Variants in UGGT2 observed in about 807,000 individuals in gnomAD.
The protein encoded by UGGT2 is UDP-glucose glycoprotein glucosyltransferase 2.
Under a neutral mutation model 192.1 loss-of-function variants are expected in UGGT2, and 180 were observed. That is an observed-to-expected ratio of 0.94 (90% CI 0.83 to 1.06). The LOEUF is 1.06. Ranked by LOEUF, UGGT2 falls within the 50% of genes least tolerant of loss-of-function variation. UGGT2 has a pLI of 0.00. For missense variants in UGGT2, 1,849 were observed against 1,795.7 expected, an observed-to-expected ratio of 1.03 and a Z score of -0.54; for synonymous variants, 580 against 591.0, an observed-to-expected ratio of 0.98 and a Z score of 0.27.
intron 8 of UGGT2, among the ~76,000 whole-genome samples, chr13:95,988,262 T>C (rs1297232074): frequency 2.0e-5 from 3 of 152,184 alleles, no homozygotes; most frequent in Admixed American, 6.6e-5. Context: ...AACATTTTCC[T>C]GTGGGGACTA....
chr13:95,954,707 T>C (rs1032826639), intron 12 of UGGT2, among the ~76,000 whole-genome samples: 9 of 152,192 alleles, frequency 5.9e-5, no homozygotes, highest in African/African-American at 1.7e-4. Context: ...CAAACCAATG[T>C]ACATCTTACA....
At chr13:95,962,128 A>G (rs1019588947) in intron 12 of UGGT2, among the ~76,000 whole-genome samples, 1 of 152,216 alleles carries the variant, frequency 6.6e-6, no homozygotes, top group Non-Finnish European at 1.5e-5. Flanking sequence ...CTTATATCAA[A>G]AAGGAGAAAG....
intron 2 of UGGT2, among the ~76,000 whole-genome samples, chr13:96,027,293 TC>T (rs761180893): frequency 1.3e-5 from 2 of 152,188 alleles, no homozygotes; most frequent in African/African-American, 2.4e-5. Flanking sequence ...AAGGTCACCA[TC>T]AAGGTTGTCC....
chr13:95,815,246 T>C (rs1416758164), intron 38 of UGGT2, among the ~76,000 whole-genome samples: 1 of 152,132 alleles, frequency 6.6e-6, no homozygotes, highest in Non-Finnish European at 1.5e-5. Flanking sequence ...CACATTACTA[T>C]GAAGACTGGA....
At chr13:95,989,879 TA>T in intron 8 of UGGT2, 93 bp downstream of exon 8, 1 of 779,198 alleles carries the variant, frequency 1.3e-6, no homozygotes, top group Non-Finnish European at 2.0e-6. Context: ...ATACTGTCCA[TA>T]AAATAATCTA....
At chr13:96,049,566 A>G (rs1210959631) in intron 1 of UGGT2, among the ~76,000 whole-genome samples, 1 of 152,210 alleles carries the variant, frequency 6.6e-6, no homozygotes, top group Non-Finnish European at 1.5e-5. Flanking sequence ...ATATGATTGT[A>G]TATTTAGAAA....
At chr13:95,812,834 C>T (rs1236381384) in intron 38 of UGGT2, among the ~76,000 whole-genome samples, 1 of 152,168 alleles carries the variant, frequency 6.6e-6, no homozygotes, top group Non-Finnish European at 1.5e-5. Context: ...CCAGTAAAAG[C>T]TCCCTGAGGC....
chr13:95,814,474 G>A (rs1884723102), intron 38 of UGGT2, among the ~76,000 whole-genome samples: 1 of 152,122 alleles, frequency 6.6e-6, no homozygotes, highest in African/African-American at 2.4e-5. Context: ...CTTTCTTTTG[G>A]CCAATTTTTT....
At position 95,880,271 on chromosome 13, in the gene UGGT2, G is replaced by C. The variant is rs565455734; in HGVS notation, c.3229-2415C>G. Among the ~76,000 whole-genome samples the C allele has an allele frequency of 9.9e-5, 15 of 152,250 alleles. No individual in the cohort carries two copies. In the East Asian group the frequency reaches 2.9e-3, roughly 29 times the overall value. On this transcript the variant is annotated intron_variant, in intron 27 of 38. Transcript: ENST00000376747. ...TAGTATTTTTGTTGCTATTGAATGT[G>C]ATTTTGTGTAACTGCAGACACATTT...
At chr13:95,982,524 T>C (rs2051158793) in intron 10 of UGGT2, among the ~76,000 whole-genome samples, 1 of 152,124 alleles carries the variant, frequency 6.6e-6, no homozygotes, top group Non-Finnish European at 1.5e-5. Context: ...TAAAACATCA[T>C]ACCTGCTCCA....
chr13:95,895,342 A>G, intron 22 of UGGT2, 38 bp from the exon 23 acceptor site: 2 of 1,219,194 alleles, frequency 1.6e-6, no homozygotes, highest in Non-Finnish European at 2.2e-6. Flanking sequence ...TATATCTTCT[A>G]GAAGATATCA....
chr13:95,887,831 G>C lies in UGGT2; in HGVS notation c.3038+61C>G, dbSNP rs1038795109. On this transcript the variant is annotated intron_variant, in intron 26 of 38. Transcript: ENST00000376747. ...AAAACCAGGTCCAGTAACAATGATT[G>C]TTTTTTTCTTCTCAGCATTTACAAA... 5 of 1,052,432 alleles carry C rather than the reference G, an allele frequency of 4.8e-6. No homozygotes were observed. The African/African-American group carries it at 4.8e-5, about 10-fold the overall frequency. The allele number at this position is 1,052,432 out of a possible 1,614,324, so 65.2% of individuals were successfully genotyped here.
rs556659027 is a variant in UGGT2 at position 95,945,389 on chromosome 13, T to C, written c.1677+1648A>G. 2.0e-5 allele frequency among the ~76,000 whole-genome samples: 3 copies of C among 152,208 alleles called. No homozygotes were observed. The South Asian group carries it at 6.2e-4, about 32-fold the overall frequency. On this transcript the variant is annotated intron_variant, in intron 15 of 38. Coordinates refer to ENST00000376747, the MANE Select transcript of UGGT2 (RefSeq NM_020121.4). ...CTCCTTCTCCCTCTCCTTCTAATTG[T>C]TTAGCACAACTTGCAGGCTGTGCCA... is the stretch of plus-strand genomic sequence containing the variant.
intron 19 of UGGT2, among the ~76,000 whole-genome samples, chr13:95,926,776 G>T (rs1168179088): frequency 6.6e-6 from 1 of 152,036 alleles, no homozygotes; most frequent in Non-Finnish European, 1.5e-5. Context: ...GTACTGAAAA[G>T]ATTTTATTCT....
intron 1 of UGGT2, among the ~76,000 whole-genome samples, chr13:96,041,652 G>A (rs539403188): frequency 4.6e-5 from 7 of 152,226 alleles, no homozygotes; most frequent in Admixed American, 2.0e-4. Flanking sequence ...CTCGCCCACC[G>A]CCTGGAAACA....
At chr13:95,853,908 T>C (rs548988278) in intron 35 of UGGT2, among the ~76,000 whole-genome samples, 1 of 152,312 alleles carries the variant, frequency 6.6e-6, no homozygotes, top group South Asian at 2.1e-4. Flanking sequence ...ATGAAACTCA[T>C]GGCCTTACAA....
intron 1 of UGGT2, among the ~76,000 whole-genome samples, chr13:96,044,170 T>C (rs1004814857): frequency 3.3e-5 from 5 of 152,104 alleles, no homozygotes; most frequent in African/African-American, 1.2e-4. Context: ...AAACACTCTC[T>C]CAGACCACAG....
chr13:95,882,121 G>A (rs922826913), intron 27 of UGGT2, among the ~76,000 whole-genome samples: 2 of 151,946 alleles, frequency 1.3e-5, no homozygotes, highest in Non-Finnish European at 2.9e-5. Flanking sequence ...TGTTGGTCAG[G>A]CTGGCCTCAA....
chr13:95,998,031 T>C (rs896437739), intron 6 of UGGT2, among the ~76,000 whole-genome samples: 49 of 152,324 alleles, frequency 3.2e-4, no homozygotes, highest in African/African-American at 1.1e-3. Flanking sequence ...GGAGATTAGA[T>C]TGATTAATCT....
Sources: allele counts gnomAD v4.1 joint callset (sites outside exome capture counted in the v4.1 genomes callset), GRCh38; gene constraint gnomAD v4.1.1; transcripts MANE v1.5; gene names NCBI Gene and HGNC (gene_info 2026-07-23, HGNC 2026-07-21).